The following ROCK2 variants were observed in gnomAD, a reference collection of about 807,000 sequenced individuals.
ROCK2 encodes the protein rho-associated protein kinase 2.
Under a neutral mutation model 195.1 loss-of-function variants are expected in ROCK2, and 61 were observed. The ratio of observed to expected loss-of-function variants is 0.31; its 90% CI spans 0.25 to 0.39. The LOEUF is 0.39. Among genes scored for constraint, ROCK2 ranks in the 10% least tolerant of loss-of-function variants. The probability of loss-of-function intolerance (pLI) is 1.00; values close to 1 mark genes in which losing one functional copy is unlikely to be tolerated. For missense variants in ROCK2, 1,109 were observed against 1,637.4 expected (o/e 0.68, Z 5.57); for synonymous variants, 504 against 545.5 (o/e 0.92, Z 1.06).
chr2:11,335,108 T>TACAC (rs59721285), intron 1 of ROCK2, among the ~76,000 whole-genome samples: 1,895 of 145,096 alleles, frequency 0.013, 16 homozygotes, highest in African/African-American at 0.029. Context: ...CTTTGACTGA[T>TACAC]ACACACACAC....
At chr2:11,263,729 A>C (rs937935584) in intron 3 of ROCK2, among the ~76,000 whole-genome samples, 4 of 151,606 alleles carry the variant, frequency 2.6e-5, no homozygotes, top group Admixed American at 2.0e-4. Flanking sequence ...TGAATAGCTC[A>C]GTGGAAGATA....
intron 1 of ROCK2, among the ~76,000 whole-genome samples, chr2:11,305,289 T>C (rs1667821692): frequency 6.6e-6 from 1 of 152,174 alleles, no homozygotes; most frequent in Non-Finnish European, 1.5e-5. Flanking sequence ...GACAAGAGAA[T>C]TGCTTGAACC....
chr2:11,194,238 T>C lies in ROCK2; in HGVS notation c.3608+18A>G. 1 of 1,121,664 alleles carries C rather than the reference T, an allele frequency of 8.9e-7. No individual in the cohort carries two copies. The allele number at this position is 1,121,664 out of a possible 1,614,324, so 69.5% of individuals were successfully genotyped here. ...TTTAAAAGATATAGTTTCTAAATAT[T>C]CTAACAAAAACACTTACTCTATATC... is the stretch of plus-strand genomic sequence containing the variant. On this transcript the variant is annotated intron_variant, in intron 29 of 32. Coordinates refer to ENST00000315872, the MANE Select transcript of ROCK2 (RefSeq NM_004850.5).
At chr2:11,306,393 G>C (rs939351638) in intron 1 of ROCK2, among the ~76,000 whole-genome samples, 3 of 151,976 alleles carry the variant, frequency 2.0e-5, no homozygotes, top group African/African-American at 7.2e-5. Flanking sequence ...TCTATATTTC[G>C]CATTATCTTT....
intron 1 of ROCK2, among the ~76,000 whole-genome samples, chr2:11,331,895 C>G (rs1174688378): frequency 6.6e-6 from 1 of 152,094 alleles, no homozygotes; most frequent in Non-Finnish European, 1.5e-5. Flanking sequence ...TGCTGCACTC[C>G]AGCCCAGGCG....
At chr2:11,278,041 C>T (rs867346851) in intron 3 of ROCK2, among the ~76,000 whole-genome samples, 1 of 152,144 alleles carries the variant, frequency 6.6e-6, no homozygotes, top group Non-Finnish European at 1.5e-5. Context: ...ATGGCTAAAA[C>T]CAGCTAATTA....
At chr2:11,325,886 C>T (rs149538324) in intron 1 of ROCK2, among the ~76,000 whole-genome samples, 1 of 152,186 alleles carries the variant, frequency 6.6e-6, no homozygotes, top group East Asian at 1.9e-4. Flanking sequence ...AGTGAATCCC[C>T]TTTAAGAGGT....
At chr2:11,328,442 C>G (rs929015560) in intron 1 of ROCK2, among the ~76,000 whole-genome samples, 3 of 152,168 alleles carry the variant, frequency 2.0e-5, no homozygotes, top group African/African-American at 7.2e-5. Flanking sequence ...GTTTACAGAA[C>G]ACTAGCACAT....
chr2:11,300,287 A>C (rs891414133), intron 1 of ROCK2, among the ~76,000 whole-genome samples: 2 of 152,080 alleles, frequency 1.3e-5, no homozygotes, highest in Non-Finnish European at 2.9e-5. Context: ...TCTGAGACGG[A>C]GTTTCGCTCT....
At position 11,263,861 on chromosome 2, in the gene ROCK2, T is replaced by C. The variant is rs781576218; in HGVS notation, c.325-14063A>G. On this transcript the variant is annotated intron_variant, in intron 3 of 32. Coordinates refer to ENST00000315872, the MANE Select transcript of ROCK2 (RefSeq NM_004850.5). The stretch of plus-strand genomic sequence containing the variant: ...TCCATTGAATATACAGCAGAGATAG[T>C]ACATAAATATATTTTATAAGGTCAC... Among the ~76,000 whole-genome samples the C allele has an allele frequency of 4.5e-4, 68 of 150,754 alleles. No individual in the cohort carries two copies. In the Middle Eastern group the frequency reaches 0.014, roughly 30 times the overall value.
intron 3 of ROCK2, among the ~76,000 whole-genome samples, chr2:11,282,087 G>A (rs562806190): frequency 2.6e-5 from 4 of 152,196 alleles, no homozygotes; most frequent in South Asian, 4.1e-4. Flanking sequence ...GCAGTGGCTC[G>A]CACCTGTAAT....
chr2:11,198,607 A>G, intron 24 of ROCK2, 22 bp from the exon 25 acceptor site: 1 of 1,603,782 alleles, frequency 6.2e-7, no homozygotes, highest in South Asian at 1.1e-5. Context: ...AAAAAAGTTA[A>G]AATTACATTG....
At chr2:11,283,233 A>G (rs1572357886) in intron 3 of ROCK2, among the ~76,000 whole-genome samples, 1 of 144,068 alleles carries the variant, frequency 6.9e-6, no homozygotes, top group Non-Finnish European at 1.5e-5. Context: ...GCGCCATTGC[A>G]CTCCAGCCTG....
intron 1 of ROCK2, among the ~76,000 whole-genome samples, chr2:11,324,590 C>T (rs1405611814): frequency 1.3e-5 from 2 of 152,104 alleles, no homozygotes; most frequent in Non-Finnish European, 2.9e-5. Flanking sequence ...GAATATTATT[C>T]AGCACTAAAA....
At chr2:11,308,608 G>C (rs1667936916) in intron 1 of ROCK2, 2 of 1,478,066 alleles carry the variant, frequency 1.4e-6, no homozygotes, top group Non-Finnish European at 9.5e-7. Context: ...TAAAGGATCT[G>C]AATGGCATAG....
At chr2:11,287,630 A>T (rs2148195065) in intron 2 of ROCK2, 25 bp downstream of exon 2, 1 of 706,076 alleles carries the variant, frequency 1.4e-6, no homozygotes, top group East Asian at 3.1e-5. Context: ...TTATAAGATC[A>T]AATATGAAGT....
chr2:11,307,634 C>G (rs1412795205), intron 1 of ROCK2, among the ~76,000 whole-genome samples: 1 of 152,086 alleles, frequency 6.6e-6, no homozygotes, highest in Non-Finnish European at 1.5e-5. Flanking sequence ...CTTAAAGAGA[C>G]TTCTAAATAA....
chr2:11,275,503 C>G (rs1204469293), intron 3 of ROCK2, among the ~76,000 whole-genome samples: 1 of 152,016 alleles, frequency 6.6e-6, no homozygotes, highest in Non-Finnish European at 1.5e-5. Context: ...CAACAAATTA[C>G]TAGCAAACTG....
chr2:11,329,743 T>G (rs1177043460), intron 1 of ROCK2, among the ~76,000 whole-genome samples: 7 of 152,102 alleles, frequency 4.6e-5, no homozygotes, highest in Non-Finnish European at 1.0e-4. Context: ...TTTACAAAAC[T>G]ATCAGCAAAA....
Sources: gnomAD v4.1 joint callset for allele counts (sites outside exome capture counted in the v4.1 genomes callset) on GRCh38, gnomAD v4.1.1 for gene constraint, MANE v1.5 for transcripts, NCBI Gene and HGNC (gene_info 2026-07-23, HGNC 2026-07-21) for gene names.